The following KIAA1549L variants were observed in gnomAD, a reference collection of about 807,000 sequenced individuals.
KIAA1549L encodes the protein UPF0606 protein KIAA1549L.
In KIAA1549L, 88 loss-of-function variants were observed where a neutral mutation model predicts 160.7. The ratio of observed to expected loss-of-function variants is 0.55; its 90% CI spans 0.46 to 0.65. The LOEUF (loss-of-function observed/expected upper bound fraction) is 0.65, where lower values mean the gene tolerates loss of function less well. Ranked by LOEUF, KIAA1549L falls within the 30% of genes least tolerant of loss-of-function variation. The pLI, the probability that KIAA1549L is intolerant of heterozygous loss-of-function variation, is 0.00. For synonymous variants in KIAA1549L, 950 were observed against 976.7 expected (o/e 0.97, Z 0.51); for missense variants, 2,258 against 2,437.5 (o/e 0.93, Z 1.55).
chr11:33,595,539 T>C (rs967083912), intron 12 of KIAA1549L, among the ~76,000 whole-genome samples: 4 of 152,210 alleles, frequency 2.6e-5, no homozygotes, highest in Admixed American at 6.5e-5. Flanking sequence ...ACTTTCATAA[T>C]TTTAGCATAA....
At chr11:33,568,522 T>C (rs1037118544) in intron 9 of KIAA1549L, among the ~76,000 whole-genome samples, 2 of 152,244 alleles carry the variant, frequency 1.3e-5, no homozygotes, top group African/African-American at 4.8e-5. Flanking sequence ...CAAAAAATTC[T>C]TGGTAAGCAA....
At chr11:33,420,283 G>C (rs964091750) in intron 1 of KIAA1549L, among the ~76,000 whole-genome samples, 14 of 148,694 alleles carry the variant, frequency 9.4e-5, no homozygotes, top group Non-Finnish European at 7.4e-5. Flanking sequence ...GCCCAGGCTG[G>C]AGTGGCACTA....
At chr11:33,457,529 AG>A (rs981556070) in intron 1 of KIAA1549L, among the ~76,000 whole-genome samples, 1 of 152,334 alleles carries the variant, frequency 6.6e-6, no homozygotes, top group Admixed American at 6.5e-5. Context: ...TGAGGAACCC[AG>A]GGGTTCGTGG....
intron 2 of KIAA1549L, 150 bp from the exon 3 acceptor site, chr11:33,544,617 A>T (rs1416295738): frequency 1.0e-6 from 1 of 955,048 alleles, no homozygotes; most frequent in African/African-American, 1.7e-5. Flanking sequence ...TTATGAGCCT[A>T]GAGTTGTTTT....
chr11:33,495,109 G>A (rs916053193), intron 1 of KIAA1549L, among the ~76,000 whole-genome samples: 24 of 151,504 alleles, frequency 1.6e-4, no homozygotes, highest in African/African-American at 5.6e-4. Context: ...TTATTTTAAT[G>A]TTTGTATTTT....
intron 11 of KIAA1549L, among the ~76,000 whole-genome samples, chr11:33,584,027 A>G (rs1011360063): frequency 7.9e-5 from 12 of 152,210 alleles, no homozygotes; most frequent in African/African-American, 2.9e-4. Flanking sequence ...AGATTAGGTC[A>G]TGAGGGTGAA....
At chr11:33,609,658 C>A in intron 14 of KIAA1549L, 91 bp from the exon 15 acceptor site, 1 of 1,060,744 alleles carries the variant, frequency 9.4e-7, no homozygotes, top group Non-Finnish European at 1.4e-6. Context: ...CCTGTGATGG[C>A]TTTTTTAGAA....
intron 1 of KIAA1549L, among the ~76,000 whole-genome samples, chr11:33,453,413 A>G (rs1263608143): frequency 6.6e-6 from 1 of 152,214 alleles, no homozygotes; most frequent in African/African-American, 2.4e-5. Flanking sequence ...ATGAATCAAC[A>G]GTATGATGTG....
intron 6 of KIAA1549L, among the ~76,000 whole-genome samples, chr11:33,558,897 A>C (rs1237951525): frequency 5.3e-5 from 8 of 149,796 alleles, no homozygotes; most frequent in Non-Finnish European, 1.0e-4. Context: ...GCAGTGGTGC[A>C]ATCTCGGCTG....
At position 33,543,301 on chromosome 11, in the gene KIAA1549L, C is replaced by G. The variant is rs1214621233; in HGVS notation, c.1738C>G (p.Pro580Ala). Residue 580 changes from proline to alanine, a missense_variant, in exon 2 of 21, where the codon CCT (proline) becomes GCT (alanine). Physicochemically the swap from Pro to Ala is conservative, Grantham distance 27. Around this residue, in one of 6 missense-constraint regions of KIAA1549L, gnomAD observed 540 missense variants for 465.7 expected, o/e 1.16. Transcript: ENST00000658780. Reference protein sequence around the residue: ...GKNEEANVTIPLQAFPRKEVL... With the variant: ...GKNEEANVTIALQAFPRKEVL... ...GAATGAAGAGGCAAATGTGACGATTCCTCTCCAGGCCTTTCCAAGGAAAGA... is the reference window on the plus strand; with the variant it reads ...GAATGAAGAGGCAAATGTGACGATTGCTCTCCAGGCCTTTCCAAGGAAAGA... 4 of 1,613,888 alleles carry G rather than the reference C, an allele frequency of 2.5e-6. No individual in the cohort carries two copies. The highest frequency in any genetic ancestry group is 3.4e-6 in the Non-Finnish European group (4 of 1,179,910).
chr11:33,476,867 C>T (rs1003539616), intron 1 of KIAA1549L, among the ~76,000 whole-genome samples: 2 of 152,172 alleles, frequency 1.3e-5, no homozygotes, highest in Admixed American at 6.6e-5. Context: ...GAACATCTCT[C>T]GTTTATTTAC....
rs542234111 is a variant in KIAA1549L, at chr11:33,566,827, C to G, written c.4079-1249C>G. Among the ~76,000 whole-genome samples the G allele has an allele frequency of 2.6e-5, 4 of 152,308 alleles. 1 individual carries two copies. Among genetic ancestry groups the G allele is most frequent in the African/African-American group, 9.6e-5 (4 of 41,562 alleles). ...CTGGTAGGTGGATGATATCGATGAT[C>G]CTTGGATGGGCTCTGGTAGAACAAA... is the stretch of plus-strand genomic sequence containing the variant. On this transcript the variant is annotated intron_variant, in intron 8 of 20. Transcript: ENST00000658780.
At chr11:33,578,211 A>G (rs549640728) in intron 10 of KIAA1549L, among the ~76,000 whole-genome samples, 1 of 152,186 alleles carries the variant, frequency 6.6e-6, no homozygotes, top group Admixed American at 6.5e-5. Flanking sequence ...GGAGAGAGAG[A>G]TCCTATCAGG....
intron 1 of KIAA1549L, among the ~76,000 whole-genome samples, chr11:33,406,502 C>T (rs1378370114): frequency 6.6e-6 from 1 of 152,248 alleles, no homozygotes; most frequent in Non-Finnish European, 1.5e-5. Flanking sequence ...CATCTCCTCT[C>T]TTAGGGACAG....
chr11:33,464,395 C>A (rs948417756), intron 1 of KIAA1549L, among the ~76,000 whole-genome samples: 1 of 152,096 alleles, frequency 6.6e-6, no homozygotes, highest in Non-Finnish European at 1.5e-5. Context: ...TTGAGTCTCT[C>A]GCTTATATCC....
intron 1 of KIAA1549L, among the ~76,000 whole-genome samples, chr11:33,383,132 C>T (rs779260538): frequency 2.0e-5 from 3 of 152,020 alleles, no homozygotes; most frequent in African/African-American, 7.3e-5. Context: ...ATTCTGATGA[C>T]GACCAGAGAA....
Position 33,542,544 on chromosome 11 carries a change from G to T in KIAA1549L, c.981G>T (p.Glu327Asp). The T allele has an allele frequency of 3.1e-6, 5 of 1,613,962 alleles. No individual in the cohort carries two copies. Among genetic ancestry groups the T allele is most frequent in the East Asian group, 2.2e-5 (1 of 44,880 alleles). The change falls in exon 2 of 21, where the codon GAG becomes GAT. Residue 327 changes from glutamate to aspartate, a missense_variant. By Grantham distance (45) the Glu-to-Asp change is conservative. Transcript: ENST00000658780. ...VSGSSTKWHS[E>D]LSPTEGPHSA... is the part of the protein sequence containing the mutation. The stretch of plus-strand genomic sequence containing the variant: ...GATCCTCAACAAAATGGCATTCCGA[G>T]CTGTCCCCAACAGAGGGTCCCCATT...
At chr11:33,465,441 G>A (rs1263378581) in intron 1 of KIAA1549L, among the ~76,000 whole-genome samples, 1 of 151,980 alleles carries the variant, frequency 6.6e-6, no homozygotes, top group Non-Finnish European at 1.5e-5. Context: ...CTCCACTGAG[G>A]GTTCTCATCC....
chr11:33,641,629 T>C (rs1224752180), intron 16 of KIAA1549L, among the ~76,000 whole-genome samples: 3 of 68,124 alleles, frequency 4.4e-5, no homozygotes, highest in African/African-American at 2.3e-4. Context: ...TATATATATA[T>C]ATATACACAG....
Sources: gnomAD v4.1 joint callset for allele counts (sites outside exome capture counted in the v4.1 genomes callset) on GRCh38, gnomAD v4.1.1 for gene constraint, gnomAD v4.1.1 regional missense constraint, MANE v1.5 for transcripts, NCBI Gene and HGNC (gene_info 2026-07-23, HGNC 2026-07-21) for gene names.